ACO2: variants seen among roughly 807,000 people sequenced by gnomAD.
ACO2 encodes aconitase 2, also known as aconitate hydratase, mitochondrial.
ACO2 carries 31 observed loss-of-function variants against 84.5 expected under a neutral mutation model. The ratio of observed to expected loss-of-function variants is 0.37; its 90% CI spans 0.28 to 0.50. ACO2 has a LOEUF of 0.50. ACO2 is among the 20% of genes least tolerant of loss of function. The pLI is 0.97. For synonymous variants in ACO2, 414 were observed against 412.7 expected, an observed-to-expected ratio of 1.00 and a Z score of -0.04; for missense variants, 685 against 1,029.3, an observed-to-expected ratio of 0.67 and a Z score of 4.58.
chr22:41,502,462 A>T (rs1282906010), intron 2 of ACO2, among the ~76,000 whole-genome samples: 1 of 152,190 alleles, frequency 6.6e-6, no homozygotes, highest in African/African-American at 2.4e-5. Context: ...TGTCCCTGTC[A>T]ATATAGGACG....
At chr22:41,481,260 C>T (rs989388321) in intron 1 of ACO2, among the ~76,000 whole-genome samples, 2 of 152,298 alleles carry the variant, frequency 1.3e-5, no homozygotes, top group South Asian at 2.1e-4. Flanking sequence ...TTCTGTGACT[C>T]GGCACTTGTC....
intron 3 of ACO2, among the ~76,000 whole-genome samples, chr22:41,509,283 G>C (rs1236961354): frequency 6.6e-6 from 1 of 152,124 alleles, no homozygotes; most frequent in Non-Finnish European, 1.5e-5. Context: ...ATAGCATTCA[G>C]AGCTCATTCC....
Position 41,520,222 on chromosome 22 carries a change from G to A in ACO2, c.1084G>A (p.Ala362Thr). ...PFTPDLAHPV[A>T]EVGKVAEKEG... ...CACCCCTGACCTGGCTCACCCTGTG[G>A]CAGAAGTGGGCAAGGTGGCAGAGAA... Residue 362 changes from alanine (A) to threonine (T), a missense_variant, in exon 9 of 18, where the codon GCA becomes ACA. By Grantham distance (58) the Ala-to-Thr change is moderately conservative. Around this residue, in one of 5 missense-constraint regions of ACO2, gnomAD observed 311 missense variants for 441.6 expected, o/e 0.70. Transcript: ENST00000216254. The A allele has an allele frequency of 6.2e-7, 1 of 1,614,038 alleles. No individual in the cohort carries two copies. Among genetic ancestry groups the A allele is most frequent in the Non-Finnish European group, 8.5e-7 (1 of 1,179,942 alleles).
chr22:41,474,079 T>C (rs2037978529), intron 1 of ACO2, among the ~76,000 whole-genome samples: 2 of 152,030 alleles, frequency 1.3e-5, no homozygotes, highest in Admixed American at 6.6e-5. Context: ...TGGGGGACTG[T>C]TGGAGTCATC....
intron 6 of ACO2, 154 bp downstream of exon 6, chr22:41,516,071 C>A: frequency 1.1e-6 from 1 of 943,768 alleles, no homozygotes; most frequent in Non-Finnish European, 1.7e-6. Context: ...AAATTGGAGA[C>A]AGCATTAGAG....
At chr22:41,520,115 C>A in intron 8 of ACO2, 56 bp from the exon 9 acceptor site, 1 of 1,495,492 alleles carries the variant, frequency 6.7e-7, no homozygotes, top group East Asian at 2.3e-5. Flanking sequence ...AGGCTGTCCC[C>A]GCTTCAAGGT....
At chr22:41,505,389 C>T (rs2066385270) in intron 2 of ACO2, among the ~76,000 whole-genome samples, 1 of 151,860 alleles carries the variant, frequency 6.6e-6, no homozygotes, top group Admixed American at 6.6e-5. Context: ...TACACTCCAG[C>T]CTGGGTGACA....
intron 15 of ACO2, chr22:41,526,969 T>G (rs552295440): frequency 2.5e-5 from 11 of 447,948 alleles, no homozygotes; most frequent in Middle Eastern, 6.1e-4. Context: ...GCATCTTGTG[T>G]GGGGCCCGGA....
chr22:41,527,944 T>A lies in ACO2; in HGVS notation c.2130T>A (p.Ala710=), dbSNP rs779131882. ...KKQGLLPLTF[A]DPADYNKIHP... is the part of the protein sequence containing the mutation. ...AGGGCCTGCTGCCTCTGACCTTCGC[T>A]GACCCGGCTGACTACAACAAGATTC... The change falls in exon 17 of 18, where the codon GCT becomes GCA. Residue 710 remains alanine, a synonymous_variant. Coordinates refer to ENST00000216254, the MANE Select transcript of ACO2 (RefSeq NM_001098.3). The A allele has an allele frequency of 5.5e-5, 89 of 1,614,090 alleles. No homozygotes were observed. Among genetic ancestry groups the A allele is most frequent in the Non-Finnish European group, 7.5e-5 (88 of 1,180,034 alleles).
At position 41,520,285 on chromosome 22, in the gene ACO2, C is replaced by T. The variant is rs758318133; in HGVS notation, c.1138+9C>T. The T allele has an allele frequency of 6.2e-7, 1 of 1,608,644 alleles. No individual in the cohort carries two copies. The highest frequency in any genetic ancestry group is 8.5e-7 in the Non-Finnish European group (1 of 1,175,256). ...TCTGGACATCCGAGTGGGTGAGCAC[C>T]TTCCACCCCATCTGTTTAGCAGGTC... is the stretch of plus-strand genomic sequence containing the variant. On this transcript the variant is annotated intron_variant, in intron 9 of 17. Coordinates refer to ENST00000216254, the MANE Select transcript of ACO2 (RefSeq NM_001098.3).
chr22:41,528,423 G>A, intron 17 of ACO2, 56 bp from the exon 18 acceptor site: 1 of 1,591,528 alleles, frequency 6.3e-7, no homozygotes, highest in Non-Finnish European at 8.5e-7. Flanking sequence ...CCCCCCTGCG[G>A]GGCCAAGGGC....
chr22:41,488,015 C>T (rs2066243427), intron 1 of ACO2, among the ~76,000 whole-genome samples: 1 of 152,192 alleles, frequency 6.6e-6, no homozygotes, highest in Non-Finnish European at 1.5e-5. Flanking sequence ...TGAACTCAAA[C>T]ATGATCTGGT....
At chr22:41,512,564 C>T (rs751833703) in intron 4 of ACO2, among the ~76,000 whole-genome samples, 1 of 152,158 alleles carries the variant, frequency 6.6e-6, no homozygotes, top group African/African-American at 2.4e-5. Context: ...CCCATGCCAC[C>T]GTGCTGCTCT....
At chr22:41,482,261 C>A (rs530244270) in intron 1 of ACO2, among the ~76,000 whole-genome samples, 81 of 152,352 alleles carry the variant, frequency 5.3e-4, no homozygotes, top group African/African-American at 1.9e-3. Flanking sequence ...CAACAACCCC[C>A]TGGAGGACTC....
chr22:41,511,325 C>T (rs1024827335), intron 3 of ACO2, among the ~76,000 whole-genome samples: 2 of 152,210 alleles, frequency 1.3e-5, no homozygotes, highest in African/African-American at 4.8e-5. Context: ...GTGTGCACTA[C>T]CATGCCTGGC....
intron 2 of ACO2, 144 bp from the exon 3 acceptor site, chr22:41,507,647 C>A: frequency 8.5e-7 from 1 of 1,181,700 alleles, no homozygotes; most frequent in Non-Finnish European, 1.2e-6. Flanking sequence ...GCAGTCCCCA[C>A]CCAAGTGGAA....
Position 41,524,940 on chromosome 22 carries a change from C to T in ACO2, c.1577C>T (p.Ala526Val). The change falls in exon 13 of 18, where the codon GCT becomes GTT. Residue 526 changes from alanine to valine, a missense_variant. Transcript: ENST00000216254. The stretch of plus-strand genomic sequence containing the variant: ...GATGGCAAGAAGTTCAGGCTGGAGG[C>T]TCCGGATGCAGATGAGCTTCCCAAA... Reference protein sequence around the residue: ...GTDGKKFRLEAPDADELPKGE... With the variant: ...GTDGKKFRLEVPDADELPKGE... 1 of 1,614,184 alleles carries T rather than the reference C, an allele frequency of 6.2e-7. No individual in the cohort carries two copies. The highest frequency in any genetic ancestry group is 8.5e-7 in the Non-Finnish European group (1 of 1,180,036).
In ACO2 at chr22:41,469,336, C is replaced by G. The variant is rs1430097467; in HGVS notation, c.36+154C>G. 8 of 886,418 alleles carry G rather than the reference C, an allele frequency of 9.0e-6. No homozygotes were observed. In the Admixed American group the frequency reaches 1.0e-4, roughly 11 times the overall value. 54.9% of individuals were successfully genotyped at this position (886,418 alleles called of 1,614,324 possible). A position where few individuals can be genotyped will look rare whatever the true frequency, so the allele number is the denominator to read the frequency against. On this transcript the variant is annotated intron_variant, in intron 1 of 17. Transcript: ENST00000216254. ...GGGCCCGGCACCCGTGCCCGCTTCTCTGGTGCCCTAGGTCAAGGCGTCCCC... is the reference window on the plus strand; with the variant it reads ...GGGCCCGGCACCCGTGCCCGCTTCTGTGGTGCCCTAGGTCAAGGCGTCCCC...
At chr22:41,522,690 A>G (rs531893163) in intron 9 of ACO2, 140 bp from the exon 10 acceptor site, 2 of 886,424 alleles carry the variant, frequency 2.3e-6, no homozygotes, top group East Asian at 2.7e-5. Flanking sequence ...GTTGCTTGCA[A>G]CTGGTCTCTG....
Sources: allele counts gnomAD v4.1 joint callset (sites outside exome capture counted in the v4.1 genomes callset), GRCh38; gene constraint gnomAD v4.1.1; regional missense constraint gnomAD v4.1.1; transcripts MANE v1.5; gene names NCBI Gene and HGNC (gene_info 2026-07-23, HGNC 2026-07-21).